Variants in CAMTA1 observed in about 807,000 individuals in gnomAD.
CAMTA1 encodes the protein calmodulin-binding transcription activator 1.
CAMTA1 carries 27 observed loss-of-function variants against 170.9 expected under a neutral mutation model. The observed-to-expected ratio is 0.16, with a 90% confidence interval of 0.12 to 0.22. CAMTA1 has a LOEUF of 0.22. CAMTA1 is among the 10% of genes least tolerant of loss of function. The probability of loss-of-function intolerance (pLI) is 1.00; values close to 1 mark genes in which losing one functional copy is unlikely to be tolerated. For synonymous variants in CAMTA1, 833 were observed against 891.5 expected, an observed-to-expected ratio of 0.93 and a Z score of 1.17; for missense variants, 1,619 against 2,217.2, an observed-to-expected ratio of 0.73 and a Z score of 5.42.
chr1:6,991,762 G>C (rs1696407633), intron 3 of CAMTA1, among the ~76,000 whole-genome samples: 1 of 151,992 alleles, frequency 6.6e-6, no homozygotes, highest in Non-Finnish European at 1.5e-5. Context: ...GCAGTGGAGT[G>C]ATCTCGGTTT....
chr1:7,171,503 CA>C (rs1283793158), intron 4 of CAMTA1, among the ~76,000 whole-genome samples: 1 of 152,170 alleles, frequency 6.6e-6, no homozygotes, highest in African/African-American at 2.4e-5. Context: ...AAGTGGTCAA[CA>C]AGTATTTATT....
At chr1:7,599,333 G>A (rs183462452) in intron 6 of CAMTA1, among the ~76,000 whole-genome samples, 139 of 152,268 alleles carry the variant, frequency 9.1e-4, no homozygotes, top group African/African-American at 3.3e-3. Flanking sequence ...TGCTGTTTTG[G>A]TTACTGTAGC....
At chr1:7,191,497 G>T (rs1322238510) in intron 4 of CAMTA1, among the ~76,000 whole-genome samples, 1 of 152,090 alleles carries the variant, frequency 6.6e-6, no homozygotes, top group Non-Finnish European at 1.5e-5. Flanking sequence ...GCTCTCTTGG[G>T]TGGCACCATC....
intron 1 of CAMTA1, among the ~76,000 whole-genome samples, chr1:6,790,379 T>A (rs60097652): frequency 0.076 from 10,649 of 140,942 alleles, 487 homozygotes; most frequent in East Asian, 0.23. Context: ...AGAGAGAGTG[T>A]GTGTGTGTGT....
At position 7,093,493 on chromosome 1, in the gene CAMTA1, G is replaced by C. The variant is rs927294502; in HGVS notation, c.302+2122G>C. On this transcript the variant is annotated intron_variant, in intron 4 of 22. Transcript: ENST00000303635. This position sits in a 1 kb window ranked among gnomAD's most constrained non-coding sequence, Gnocchi z 4.6. ...GTGGAAAGAGAAGAGCTCCTCCTTA[G>C]CCAGAGAGGGAGCTTCTCTGGAATG... 2.0e-5 allele frequency among the ~76,000 whole-genome samples: 3 copies of C among 152,164 alleles called. No individual in the cohort carries two copies. Among genetic ancestry groups the C allele is most frequent in the Non-Finnish European group, 4.4e-5 (3 of 68,040 alleles).
chr1:7,702,432 C>T (rs2096451465), intron 11 of CAMTA1, among the ~76,000 whole-genome samples: 1 of 152,192 alleles, frequency 6.6e-6, no homozygotes, highest in African/African-American at 2.4e-5. Context: ...GCTTCAGGTG[C>T]CTGAACTGGA....
chr1:7,263,433 C>T lies in CAMTA1; in HGVS notation c.438+13807C>T, dbSNP rs145002162. Among the ~76,000 whole-genome samples the T allele has an allele frequency of 9.5e-4, 144 of 152,334 alleles. 1 individual carries two copies. Among genetic ancestry groups the T allele is most frequent in the African/African-American group, 3.3e-3 (137 of 41,582 alleles). ...ATAATGCAAAGCAACGCTTTTTACA[C>T]TCAATTAGTTTGTACATTGTGTTGG... is the stretch of plus-strand genomic sequence containing the variant. On this transcript the variant is annotated intron_variant, in intron 5 of 22. Coordinates refer to ENST00000303635, the MANE Select transcript of CAMTA1 (RefSeq NM_015215.4).
Position 7,443,153 on chromosome 1 carries a change from G to A in CAMTA1, c.439-24677G>A, listed in dbSNP as rs912367252. 3.3e-5 allele frequency among the ~76,000 whole-genome samples: 5 copies of A among 152,208 alleles called. No individual in the cohort carries two copies. Among genetic ancestry groups the A allele is most frequent in the African/African-American group, 9.6e-5 (4 of 41,462 alleles). Reference sequence around the variant, plus strand: ...TACCCAAGTCAAAGCCCTGGATGACGGCTGCAAAGCATAAGGCTTCGGGTT... The same window carrying A: ...TACCCAAGTCAAAGCCCTGGATGACAGCTGCAAAGCATAAGGCTTCGGGTT... On this transcript the variant is annotated intron_variant, in intron 5 of 22. Transcript: ENST00000303635. This position sits in a 1 kb window ranked among gnomAD's most constrained non-coding sequence, Gnocchi z 4.1.
intron 7 of CAMTA1, among the ~76,000 whole-genome samples, chr1:7,653,035 G>A (rs1407606889): frequency 6.6e-6 from 1 of 152,216 alleles, no homozygotes; most frequent in Non-Finnish European, 1.5e-5. Context: ...TCAAACTTGA[G>A]TGTGCCTCGA....
intron 5 of CAMTA1, among the ~76,000 whole-genome samples, chr1:7,281,336 A>G (rs1419958960): frequency 1.3e-5 from 2 of 152,202 alleles, no homozygotes; most frequent in Non-Finnish European, 1.5e-5. Context: ...CTTTACAGTT[A>G]ATATGTCAAA....
intron 5 of CAMTA1, among the ~76,000 whole-genome samples, chr1:7,383,710 ATGATGG>A (rs2149081431): frequency 6.6e-6 from 1 of 152,130 alleles, no homozygotes; most frequent in South Asian, 2.1e-4. Flanking sequence ...GTCGAACAAG[ATGATGG>A]TGATGGTGGT....
At chr1:7,457,484 T>TTCCCTG (rs2092985786) in intron 5 of CAMTA1, among the ~76,000 whole-genome samples, 2 of 151,852 alleles carry the variant, frequency 1.3e-5, no homozygotes, top group Non-Finnish European at 2.9e-5. Flanking sequence ...CTAGGTTAGG[T>TTCCCTG]CCCCTGCCCC....
chr1:6,787,191 G>C (rs1407335543), intron 1 of CAMTA1, among the ~76,000 whole-genome samples: 1 of 152,200 alleles, frequency 6.6e-6, no homozygotes, highest in African/African-American at 2.4e-5. Flanking sequence ...TTCTCAAATT[G>C]TATTCATGTT....
At chr1:6,791,054 C>A (rs1021355564) in intron 1 of CAMTA1, among the ~76,000 whole-genome samples, 1 of 149,126 alleles carries the variant, frequency 6.7e-6, no homozygotes, top group African/African-American at 2.5e-5. Flanking sequence ...TTTTGCATTT[C>A]CATTATACAG....
chr1:7,410,517 G>C (rs886387169), intron 5 of CAMTA1, among the ~76,000 whole-genome samples: 2 of 152,240 alleles, frequency 1.3e-5, no homozygotes, highest in Non-Finnish European at 2.9e-5. Flanking sequence ...CATCTTCAAA[G>C]ATTTGATAAC....
intron 3 of CAMTA1, among the ~76,000 whole-genome samples, chr1:7,015,503 C>T (rs1408747725): frequency 6.6e-6 from 1 of 152,180 alleles, no homozygotes; most frequent in African/African-American, 2.4e-5. Context: ...ATAGTGTTGA[C>T]ATTTTTTTCA....
At chr1:7,290,640 C>T (rs999702381) in intron 5 of CAMTA1, among the ~76,000 whole-genome samples, 5 of 152,076 alleles carry the variant, frequency 3.3e-5, no homozygotes, top group South Asian at 2.1e-4. Context: ...GTGCTTTCTC[C>T]GCATATAAAC....
intron 6 of CAMTA1, among the ~76,000 whole-genome samples, chr1:7,590,196 C>G (rs184331534): frequency 3.2e-4 from 48 of 152,328 alleles, no homozygotes; most frequent in Admixed American, 9.2e-4. Context: ...CCCTCACAAT[C>G]AAGGCAGCTC....
Position 6,924,956 on chromosome 1 carries a change from T to TG in CAMTA1, c.234+99753dup, listed in dbSNP as rs897962770. Reference sequence around the variant, plus strand: ...TTGGTGTAGCTTTCTTGGATATGGTTGGGGGGGACTGTGCTGTGGCTACAA... The same window carrying TG: ...TTGGTGTAGCTTTCTTGGATATGGTTGGGGGGGGACTGTGCTGTGGCTACAA... On this transcript the variant is annotated intron_variant, in intron 3 of 22. Transcript: ENST00000303635. 3.9e-5 allele frequency among the ~76,000 whole-genome samples: 6 copies of TG among 152,096 alleles called. No homozygotes were observed. In the East Asian group the frequency reaches 5.8e-4, roughly 15 times the overall value.
Sources: gnomAD v4.1 joint callset for allele counts (sites outside exome capture counted in the v4.1 genomes callset) on GRCh38, gnomAD v4.1.1 for gene constraint, Gnocchi (gnomAD v3.1) non-coding constraint, MANE v1.5 for transcripts, NCBI Gene and HGNC (gene_info 2026-07-23, HGNC 2026-07-21) for gene names.